The following NPSR1 variants were observed in gnomAD, a reference collection of about 807,000 sequenced individuals.
NPSR1 encodes the protein neuropeptide S receptor 1.
In NPSR1, 48 loss-of-function variants were observed where a neutral mutation model predicts 46.9. That is an observed-to-expected ratio of 1.02 (90% CI 0.81 to 1.30). The LOEUF (loss-of-function observed/expected upper bound fraction) is 1.30, where lower values mean the gene tolerates loss of function less well. NPSR1 is among the 50% of genes most tolerant of loss of function. NPSR1 has a pLI of 0.00. For synonymous variants in NPSR1, 176 were observed against 168.1 expected (o/e 1.05, Z -0.36); for missense variants, 450 against 449.5 (o/e 1.00, Z -0.01).
At chr7:34,728,028 G>A (rs1265518940) in intron 2 of NPSR1, among the ~76,000 whole-genome samples, 1 of 150,662 alleles carries the variant, frequency 6.6e-6, no homozygotes, top group Non-Finnish European at 1.5e-5. Context: ...ACCACCATCT[G>A]GGAAGAAAAA....
intron 3 of NPSR1, among the ~76,000 whole-genome samples, chr7:34,798,003 A>G (rs1056242604): frequency 6.6e-6 from 1 of 152,142 alleles, no homozygotes; most frequent in African/African-American, 2.4e-5. Context: ...TCAAAAGTAA[A>G]CTTTTCTTAC....
At chr7:34,772,951 C>G (rs1786758273) in intron 2 of NPSR1, among the ~76,000 whole-genome samples, 1 of 152,120 alleles carries the variant, frequency 6.6e-6, no homozygotes. Context: ...CCAAAGTGCC[C>G]TGGTGGCAGC....
chr7:34,802,660 G>C (rs1788479315), intron 3 of NPSR1, among the ~76,000 whole-genome samples: 1 of 150,226 alleles, frequency 6.7e-6, no homozygotes, highest in Non-Finnish European at 1.5e-5. Context: ...GCATGGGCAA[G>C]GACTTCATGT....
At chr7:34,836,366 T>C (rs1248638877) in intron 6 of NPSR1, among the ~76,000 whole-genome samples, 2 of 152,150 alleles carry the variant, frequency 1.3e-5, no homozygotes, top group Non-Finnish European at 2.9e-5. Context: ...TGAAAGAGAA[T>C]TATATGGACA....
intron 6 of NPSR1, among the ~76,000 whole-genome samples, chr7:34,837,380 G>A (rs1202813487): frequency 2.6e-5 from 4 of 152,166 alleles, no homozygotes; most frequent in Admixed American, 1.3e-4. Flanking sequence ...CAAAGCCATC[G>A]TCCACTCATC....
At chr7:34,709,016 C>T (rs2128700952) in intron 2 of NPSR1, among the ~76,000 whole-genome samples, 1 of 152,218 alleles carries the variant, frequency 6.6e-6, no homozygotes, top group South Asian at 2.1e-4. Context: ...TGAATTGTAA[C>T]CAGCTTGATC....
intron 8 of NPSR1, among the ~76,000 whole-genome samples, chr7:34,870,519 C>T (rs1791425801): frequency 6.6e-6 from 1 of 151,644 alleles, no homozygotes; most frequent in African/African-American, 2.4e-5. Flanking sequence ...CTTTTCTGAG[C>T]TAAAATTATT....
intron 2 of NPSR1, among the ~76,000 whole-genome samples, chr7:34,727,552 C>A (rs1182215364): frequency 6.6e-6 from 1 of 152,172 alleles, no homozygotes; most frequent in East Asian, 1.9e-4. Context: ...ATGTAGCAAC[C>A]ACCACAATAT....
At chr7:34,768,334 T>C (rs1162313307) in intron 2 of NPSR1, 1 of 152,146 alleles carries the variant, frequency 6.6e-6, no homozygotes, top group Non-Finnish European at 1.5e-5. Context: ...AATGGGAGAA[T>C]TCCTTACCAG....
intron 2 of NPSR1, among the ~76,000 whole-genome samples, chr7:34,759,094 T>C (rs1304701521): frequency 6.6e-6 from 1 of 152,216 alleles, no homozygotes; most frequent in Admixed American, 6.5e-5. Flanking sequence ...AGACACAGTA[T>C]ATCAATTTGT....
At chr7:34,685,836 G>A in intron 2 of NPSR1, 1 of 252,882 alleles carries the variant, frequency 4.0e-6, no homozygotes, top group South Asian at 3.6e-5. Flanking sequence ...GAAGGTAAAA[G>A]GAGCAAGAGT....
At chr7:34,676,414 G>A (rs952949701) in intron 1 of NPSR1, among the ~76,000 whole-genome samples, 4 of 152,210 alleles carry the variant, frequency 2.6e-5, no homozygotes, top group Admixed American at 2.0e-4. Flanking sequence ...TCAACTTTTC[G>A]TCCACGAGGC....
chr7:34,719,082 A>G (rs17776930), intron 2 of NPSR1: 20,508 of 152,584 alleles, frequency 0.13, 1,682 homozygotes, highest in Non-Finnish European at 0.18. Flanking sequence ...GTTGGCAGGC[A>G]GCTGAGAGAA....
intron 2 of NPSR1, among the ~76,000 whole-genome samples, chr7:34,730,230 A>G (rs759818633): frequency 1.3e-5 from 2 of 152,196 alleles, no homozygotes; most frequent in African/African-American, 2.4e-5. Flanking sequence ...ATATATAAGA[A>G]CCTAGGATTT....
chr7:34,764,096 T>A (rs905860969), intron 2 of NPSR1, among the ~76,000 whole-genome samples: 3 of 152,230 alleles, frequency 2.0e-5, no homozygotes, highest in Admixed American at 6.5e-5. Flanking sequence ...ATTGTGAGTG[T>A]ATTTTATGCA....
intron 3 of NPSR1, among the ~76,000 whole-genome samples, chr7:34,795,455 T>C (rs1364073439): frequency 6.6e-6 from 1 of 152,036 alleles, no homozygotes; most frequent in Non-Finnish European, 1.5e-5. Flanking sequence ...GACACACTAA[T>C]TGGAGGAGAG....
chr7:34,703,866 C>T (rs10241507), intron 2 of NPSR1: 1 of 152,332 alleles, frequency 6.6e-6, no homozygotes, highest in Non-Finnish European at 1.5e-5. Context: ...AATAAAAATG[C>T]GGAACTAATA....
At chr7:34,860,374 C>T (rs1156388563) in intron 8 of NPSR1, among the ~76,000 whole-genome samples, 1 of 151,574 alleles carries the variant, frequency 6.6e-6, no homozygotes, top group Non-Finnish European at 1.5e-5. Flanking sequence ...ATTTATAATC[C>T]ATTCATGTTA....
chr7:34,662,996 T>C (rs556318837), intron 1 of NPSR1, among the ~76,000 whole-genome samples: 5 of 151,424 alleles, frequency 3.3e-5, no homozygotes, highest in African/African-American at 1.2e-4. Flanking sequence ...ATTTTCTGGC[T>C]TCGGGAAGGC....
Sources: allele counts gnomAD v4.1 joint callset (sites outside exome capture counted in the v4.1 genomes callset), GRCh38; gene constraint gnomAD v4.1.1; transcripts MANE v1.5; gene names NCBI Gene and HGNC (gene_info 2026-07-23, HGNC 2026-07-21).